The following ZBTB41 variants were observed in gnomAD, a reference collection of about 807,000 sequenced individuals.
ZBTB41 encodes zinc finger and BTB domain-containing protein 41.
ZBTB41 carries 42 observed loss-of-function variants against 87.6 expected under a neutral mutation model. The observed-to-expected ratio is 0.48, with a 90% CI of 0.37 to 0.62. The LOEUF is 0.62. ZBTB41 is among the 20% of genes least tolerant of loss of function. The probability of loss-of-function intolerance (pLI) is 0.00; values close to 1 mark genes in which losing one functional copy is unlikely to be tolerated. For missense variants in ZBTB41, 799 were observed against 1,078.9 expected (o/e 0.74, Z 3.63); for synonymous variants, 364 against 364.0 (o/e 1.00, Z 0.00).
chr1:197,194,603 T>G (rs140860415), intron 2 of ZBTB41, among the ~76,000 whole-genome samples: 1,131 of 73,600 alleles, frequency 0.015, 16 homozygotes, highest in African/African-American at 0.062. Context: ...CCAGGAGAGA[T>G]AAAGATTTAA....
At chr1:197,194,761 T>C (rs918590741) in intron 2 of ZBTB41, among the ~76,000 whole-genome samples, 1 of 151,964 alleles carries the variant, frequency 6.6e-6, no homozygotes, top group African/African-American at 2.4e-5. Context: ...ATACAGAAAT[T>C]TGAGTAAGTA....
intron 2 of ZBTB41, among the ~76,000 whole-genome samples, chr1:197,197,144 C>T (rs967231552): frequency 6.6e-6 from 1 of 152,028 alleles, no homozygotes; most frequent in East Asian, 1.9e-4. Context: ...CTCATAATAA[C>T]CTTTCCCTAC....
intron 5 of ZBTB41, among the ~76,000 whole-genome samples, chr1:197,184,212 C>T (rs1445763021): frequency 1.3e-5 from 2 of 152,178 alleles, no homozygotes; most frequent in South Asian, 4.1e-4. Context: ...ACTATAAAAA[C>T]TGTTTCTACA....
At chr1:197,169,221 G>A (rs1198205761) in intron 10 of ZBTB41, among the ~76,000 whole-genome samples, 2 of 151,872 alleles carry the variant, frequency 1.3e-5, no homozygotes, top group African/African-American at 4.8e-5. Flanking sequence ...GAATCCTAGG[G>A]CCATGAATAT....
intron 5 of ZBTB41, among the ~76,000 whole-genome samples, chr1:197,182,595 C>T (rs575926630): frequency 6.6e-6 from 1 of 152,128 alleles, no homozygotes; most frequent in South Asian, 2.1e-4. Context: ...TTTTAAAAGC[C>T]AAACTACAAC....
intron 5 of ZBTB41, among the ~76,000 whole-genome samples, 179 bp from the exon 6 acceptor site, chr1:197,181,296 T>C (rs1012990489): frequency 2.0e-5 from 3 of 152,080 alleles, no homozygotes; most frequent in Non-Finnish European, 4.4e-5. Context: ...TATAACCAAG[T>C]ATAGGGCTCA....
At chr1:197,176,201 T>C (rs1198944237) in intron 8 of ZBTB41, among the ~76,000 whole-genome samples, 1 of 152,076 alleles carries the variant, frequency 6.6e-6, no homozygotes, top group Non-Finnish European at 1.5e-5. Flanking sequence ...CAACTTCTTC[T>C]CAAATCCAAT....
In ZBTB41 at chr1:197,199,716, G is replaced by C; in HGVS notation, c.758C>G (p.Ser253Ter). ...AACAGGGCACTTCCGATTCCTTTTT[G>C]ATCTTCTTGCGGAGAAACTTCTCTC... ...MLERSFSARR[S>*]KRNRKCPVKF... The change falls in exon 2 of 11, where the codon TCA becomes TGA. Residue 253 changes from serine to a stop codon, truncating the protein, a stop_gained. Transcript: ENST00000367405. LOFTEE classifies it high-confidence loss of function. 6.2e-7 allele frequency: 1 copy of C among 1,613,154 alleles called. No individual in the cohort carries two copies. Among genetic ancestry groups the C allele is most frequent in the Non-Finnish European group, 8.5e-7 (1 of 1,179,822 alleles).
chr1:197,190,829 A>C lies in ZBTB41; in HGVS notation c.1331T>G (p.Phe444Cys), dbSNP rs775380641. The C allele has an allele frequency of 1.9e-6, 3 of 1,570,594 alleles. No homozygotes were observed. The highest frequency in any genetic ancestry group is 1.7e-4 in the Middle Eastern group (1 of 5,966). Residue 444 changes from phenylalanine to cysteine, a missense_variant and splice_region_variant, in exon 4 of 11, where the codon TTT becomes TGT. Phe to Cys is a radical substitution (Grantham distance 205, BLOSUM62 -2). Around this residue, in one of 5 missense-constraint regions of ZBTB41, gnomAD observed 294 missense variants for 340.1 expected, o/e 0.86. Transcript: ENST00000367405. The stretch of plus-strand genomic sequence containing the variant: ...AAATTCTTGTGCATTTTCAGGATGA[A>C]ATCTATCAGAGGAAAAGAAAAAGAT... ...KKTLAKHVKR[F>C]HPENAQEFIS...
intron 10 of ZBTB41, among the ~76,000 whole-genome samples, chr1:197,163,208 G>GA (rs1394254154): frequency 1.3e-5 from 2 of 152,088 alleles, no homozygotes; most frequent in African/African-American, 2.4e-5. Flanking sequence ...TTGCTTGTGA[G>GA]AAAAAATTTA....
intron 5 of ZBTB41, among the ~76,000 whole-genome samples, chr1:197,187,028 T>C (rs1659903112): frequency 6.6e-6 from 1 of 152,076 alleles, no homozygotes; most frequent in Non-Finnish European, 1.5e-5. Context: ...TACAAACCTA[T>C]TACAATGGCC....
rs115696426 is a variant in ZBTB41 at position 197,159,437 on chromosome 1, T to C, written c.2652A>G (p.Gln884=). The change falls in exon 11 of 11, where the codon CAA becomes CAG. Residue 884 remains glutamine, a synonymous_variant. Transcript: ENST00000367405. ...RPEQMLDPRE[Q]SYLGTLLGLD... ...GGCCCAGTAATGTTCCAAGATAAGA[T>C]TGTTCTCTAGGATCTAGCATTTGTT... is the stretch of plus-strand genomic sequence containing the variant. 987 of 1,613,880 alleles carry C rather than the reference T, an allele frequency of 6.1e-4. 3 individuals are homozygous for C. The highest frequency in any genetic ancestry group is 8.1e-4 in the Non-Finnish European group (951 of 1,179,782).
At position 197,198,406 on chromosome 1, in the gene ZBTB41, T is replaced by A. The variant is rs143890486; in HGVS notation, c.1120+948A>T. On this transcript the variant is annotated intron_variant, in intron 2 of 10. Transcript: ENST00000367405. ...AAAAACCAATTTCCGCCTATATCAA[T>A]AACATAAGTAAGTTAACACTGTAAG... 6.3e-3 allele frequency among the ~76,000 whole-genome samples: 962 copies of A among 152,262 alleles called. 8 individuals are homozygous for A. Among genetic ancestry groups the A allele is most frequent in the African/African-American group, 0.022 (898 of 41,566 alleles).
intron 10 of ZBTB41, 120 bp downstream of exon 10, chr1:197,172,040 G>A (rs565266148): frequency 2.7e-6 from 1 of 364,632 alleles, no homozygotes; most frequent in African/African-American, 2.1e-5. Flanking sequence ...TCTTAATGGG[G>A]AAAACCAAAG....
rs1553229936 is a variant in ZBTB41, at chr1:197,164,700, G to GTATCTAATATATTATATATAATACA, written c.2075-4687_2075-4686insTGTATTATATATAATATATTAGATA. Among the ~76,000 whole-genome samples the GTATCTAATATATTATATATAATACA allele has an allele frequency of 2.3e-3, 290 of 125,566 alleles. 4 individuals are homozygous for GTATCTAATATATTATATATAATACA. The highest frequency in any genetic ancestry group is 6.9e-3 in the Middle Eastern group (1 of 144). 82.4% of individuals were successfully genotyped at this position (125,566 alleles called of 152,430 possible). ...ATATATTATATTAGATATATAATAC[G>GTATCTAATATATTATATATAATACA]TATCTAATATATTATATATATTATA... On this transcript the variant is annotated intron_variant, in intron 10 of 10. Coordinates refer to ENST00000367405, the MANE Select transcript of ZBTB41 (RefSeq NM_194314.3).
At chr1:197,174,568 C>G (rs1401470679) in intron 9 of ZBTB41, among the ~76,000 whole-genome samples, 1 of 152,078 alleles carries the variant, frequency 6.6e-6, no homozygotes, top group African/African-American at 2.4e-5. Flanking sequence ...CTCAGTTAAA[C>G]TTGGATATCT....
chr1:197,173,221 C>T (rs1028639563), intron 9 of ZBTB41, among the ~76,000 whole-genome samples: 1 of 152,102 alleles, frequency 6.6e-6, no homozygotes, highest in Non-Finnish European at 1.5e-5. Context: ...ACAGTTTGCT[C>T]TTAACATATC....
rs1243505898 is a variant in ZBTB41, at chr1:197,156,394, A to G, written c.*2965T>C. On this transcript the variant is annotated 3_prime_UTR_variant, in exon 11 of 11. Coordinates refer to ENST00000367405, the MANE Select transcript of ZBTB41 (RefSeq NM_194314.3). ...ACTTGATAAATTATTCAATTTACAGATTAAGTGCTAACTGCTATCTGCTAA... is the reference window on the plus strand; with the variant it reads ...ACTTGATAAATTATTCAATTTACAGGTTAAGTGCTAACTGCTATCTGCTAA... 2.0e-5 allele frequency: 3 copies of G among 152,392 alleles called. No individual in the cohort carries two copies. The East Asian group carries it at 5.8e-4, about 29-fold the overall frequency. 9.4% of individuals were successfully genotyped at this position (152,392 alleles called of 1,614,324 possible). A position where few individuals can be genotyped will look rare whatever the true frequency, so the allele number is the denominator to read the frequency against.
chr1:197,189,213 A>C (rs1029883872), intron 4 of ZBTB41, among the ~76,000 whole-genome samples: 6 of 152,146 alleles, frequency 3.9e-5, no homozygotes, highest in African/African-American at 1.4e-4. Flanking sequence ...AATAACAGCT[A>C]GGGATGCCTT....
Sources: gnomAD v4.1 joint callset for allele counts (sites outside exome capture counted in the v4.1 genomes callset) on GRCh38, gnomAD v4.1.1 for gene constraint, gnomAD v4.1.1 regional missense constraint, MANE v1.5 for transcripts, NCBI Gene and HGNC (gene_info 2026-07-23, HGNC 2026-07-21) for gene names.